The following LRP2 variants were observed in gnomAD, a reference collection of about 807,000 sequenced individuals.
The protein encoded by LRP2 is low-density lipoprotein receptor-related protein 2.
A neutral mutation model predicts 531.0 loss-of-function variants in LRP2; 172 were observed. The observed-to-expected ratio is 0.32, with a 90% CI of 0.29 to 0.37. LRP2 has a LOEUF of 0.37. Among genes scored for constraint, LRP2 ranks in the 10% least tolerant of loss-of-function variants. The pLI, the probability that LRP2 is intolerant of heterozygous loss-of-function variation, is 1.00. For missense variants in LRP2, 5,167 were observed against 5,868.3 expected, an observed-to-expected ratio of 0.88 and a Z score of 3.90; for synonymous variants, 1,992 against 2,027.6, an observed-to-expected ratio of 0.98 and a Z score of 0.47.
In LRP2 at chr2:169,299,095, GAA is replaced by G. The variant is rs1269081692; in HGVS notation, c.428-4387_428-4386del. Among the ~76,000 whole-genome samples the G allele has an allele frequency of 6.4e-4, 3 of 4,690 alleles. No homozygotes were observed. The Admixed American group carries it at 6.5e-3, about 10-fold the overall frequency. The allele number at this position is 4,690 out of a possible 152,430, so 3.1% of individuals were successfully genotyped here. On this transcript the variant is annotated intron_variant, in intron 4 of 78. Coordinates refer to ENST00000649046, the MANE Select transcript of LRP2 (RefSeq NM_004525.3). ...GGAAAGAAAGAAAGAAGGAAAGAAA[GAA>G]AGAAAGAAAGAAAGAAAGAAAGAAA...
At chr2:169,215,936 C>A (rs1204439685) in intron 35 of LRP2, among the ~76,000 whole-genome samples, 2 of 151,284 alleles carry the variant, frequency 1.3e-5, no homozygotes, top group Non-Finnish European at 2.9e-5. Context: ...ATCACTAAAC[C>A]ATGAAAGAAA....
chr2:169,230,503 C>T (rs180810571), intron 31 of LRP2, among the ~76,000 whole-genome samples: 4 of 152,242 alleles, frequency 2.6e-5, no homozygotes, highest in Non-Finnish European at 4.4e-5. Flanking sequence ...TAGATTAGGA[C>T]TAAATTTCCT....
chr2:169,330,319 A>C (rs532247500), intron 1 of LRP2, among the ~76,000 whole-genome samples: 9 of 152,326 alleles, frequency 5.9e-5, no homozygotes, highest in Admixed American at 2.6e-4. Flanking sequence ...AATTAAAATA[A>C]AGTGCCTTTC....
chr2:169,171,891 G>T, intron 58 of LRP2, 124 bp downstream of exon 58: 1 of 1,182,926 alleles, frequency 8.5e-7, no homozygotes. Flanking sequence ...GAAAGAAAGA[G>T]ATCAGACAGC....
chr2:169,289,347 C>A (rs899642463), intron 8 of LRP2, among the ~76,000 whole-genome samples: 6 of 152,098 alleles, frequency 3.9e-5, no homozygotes, highest in African/African-American at 1.4e-4. Context: ...GCCAGGAGAT[C>A]AAGACCAGCC....
intron 2 of LRP2, among the ~76,000 whole-genome samples, chr2:169,319,250 T>C (rs1426063477): frequency 6.6e-6 from 1 of 152,184 alleles, no homozygotes; most frequent in East Asian, 1.9e-4. Context: ...TAGTAAAGTA[T>C]CATGATGAAC....
Position 169,246,997 on chromosome 2 carries a change from A to G in LRP2, c.2909-11T>C. Reference sequence around the variant, plus strand: ...TACAGGCGTTAGAACCTGCAAAAGCAAAGCCCCGAGGGAGTCAGTCATGTA... The same window carrying G: ...TACAGGCGTTAGAACCTGCAAAAGCGAAGCCCCGAGGGAGTCAGTCATGTA... On this transcript the variant is annotated splice_polypyrimidine_tract_variant and intron_variant, in intron 20 of 78. Transcript: ENST00000649046. 6.2e-7 allele frequency: 1 copy of G among 1,613,878 alleles called. No individual in the cohort carries two copies.
intron 13 of LRP2, among the ~76,000 whole-genome samples, chr2:169,277,047 T>C (rs1005565339): frequency 2.0e-5 from 3 of 151,690 alleles, no homozygotes; most frequent in Non-Finnish European, 4.4e-5. Context: ...ATACAAAAAT[T>C]GCCAGGCATG....
intron 76 of LRP2, among the ~76,000 whole-genome samples, chr2:169,135,481 C>T (rs1685468218): frequency 1.3e-5 from 2 of 152,180 alleles, no homozygotes; most frequent in South Asian, 2.1e-4. Flanking sequence ...CACCTCTATA[C>T]AGTCCGACAG....
rs2105321300 is a variant in LRP2 at position 169,128,242 on chromosome 2, A to T, written c.*421T>A. Reference sequence around the variant, plus strand: ...AGCGGGGCCTGGATTCCTTTCCTAGATAATTTTATAGGAAATATGAGTGGT... The same window carrying T: ...AGCGGGGCCTGGATTCCTTTCCTAGTTAATTTTATAGGAAATATGAGTGGT... On this transcript the variant is annotated 3_prime_UTR_variant, in exon 79 of 79. Coordinates refer to ENST00000649046, the MANE Select transcript of LRP2 (RefSeq NM_004525.3). 5.6e-6 allele frequency: 1 copy of T among 178,726 alleles called. No homozygotes were observed. The highest frequency in any genetic ancestry group is 1.2e-5 in the Non-Finnish European group (1 of 84,050). 11.1% of individuals were successfully genotyped at this position (178,726 alleles called of 1,614,324 possible).
At chr2:169,303,611 G>A (rs1221861762) in intron 4 of LRP2, among the ~76,000 whole-genome samples, 1 of 151,980 alleles carries the variant, frequency 6.6e-6, no homozygotes, top group East Asian at 1.9e-4. Flanking sequence ...GTATATATCT[G>A]ACTGTGACCA....
chr2:169,259,771 T>C (rs1323389707), intron 16 of LRP2, among the ~76,000 whole-genome samples: 1 of 152,028 alleles, frequency 6.6e-6, no homozygotes, highest in Non-Finnish European at 1.5e-5. Flanking sequence ...CTTTCCTCTT[T>C]ATGGAGTTAT....
chr2:169,166,690 C>A (rs933778368), intron 61 of LRP2, among the ~76,000 whole-genome samples: 5 of 152,240 alleles, frequency 3.3e-5, no homozygotes, highest in Non-Finnish European at 7.3e-5. Context: ...CAATCAAACC[C>A]TGACACACTT....
chr2:169,336,847 C>T (rs1318285963), intron 1 of LRP2, among the ~76,000 whole-genome samples: 1 of 152,126 alleles, frequency 6.6e-6, no homozygotes, highest in Non-Finnish European at 1.5e-5. Context: ...TTCCAGAAAC[C>T]AAGAAACTAA....
intron 26 of LRP2, among the ~76,000 whole-genome samples, chr2:169,239,019 G>A (rs900146243): frequency 6.6e-6 from 1 of 152,190 alleles, no homozygotes; most frequent in African/African-American, 2.4e-5. Flanking sequence ...GAGGATAACA[G>A]AGCAGACCCC....
chr2:169,239,465 G>C (rs1689725716), intron 26 of LRP2, 62 bp downstream of exon 26: 1 of 1,613,026 alleles, frequency 6.2e-7, no homozygotes, highest in South Asian at 1.1e-5. Context: ...ACCTACATGT[G>C]CCATTTGATT....
chr2:169,283,236 C>T (rs1350365032), intron 9 of LRP2, among the ~76,000 whole-genome samples: 1 of 152,174 alleles, frequency 6.6e-6, no homozygotes, highest in Non-Finnish European at 1.5e-5. Context: ...AGAAAATGCA[C>T]AACACTTCCT....
chr2:169,183,835 T>C (rs1559001504), intron 50 of LRP2, among the ~76,000 whole-genome samples: 1 of 152,138 alleles, frequency 6.6e-6, no homozygotes, highest in Non-Finnish European at 1.5e-5. Flanking sequence ...AGCAGAAATA[T>C]TTATTAATAT....
intron 13 of LRP2, among the ~76,000 whole-genome samples, chr2:169,276,019 C>A (rs1395238388): frequency 1.3e-5 from 2 of 151,882 alleles, no homozygotes; most frequent in Non-Finnish European, 2.9e-5. Flanking sequence ...TGGCGTAATA[C>A]AAAGACCTCA....
Sources: gnomAD v4.1 joint callset for allele counts (sites outside exome capture counted in the v4.1 genomes callset) on GRCh38, gnomAD v4.1.1 for gene constraint, MANE v1.5 for transcripts, NCBI Gene and HGNC (gene_info 2026-07-23, HGNC 2026-07-21) for gene names.